Variants in ZNF718 observed in about 807,000 individuals in gnomAD.
ZNF718 encodes the protein zinc finger protein 718.
Under a neutral mutation model 2.6 loss-of-function variants are expected in ZNF718, and 3 were observed. The ratio of observed to expected loss-of-function variants is 1.16; its 90% CI spans 0.53 to 3.01. The LOEUF (loss-of-function observed/expected upper bound fraction) is 3.01, where lower values mean the gene tolerates loss of function less well. Ranked by LOEUF, ZNF718 falls within the 30% of genes most tolerant of loss-of-function variation. ZNF718 has a pLI of 0.03. For synonymous variants in ZNF718, 135 were observed against 77.9 expected, an observed-to-expected ratio of 1.73 and a Z score of -3.86; for missense variants, 468 against 230.0, an observed-to-expected ratio of 2.03 and a Z score of -6.69.
In ZNF718 at chr4:154,543, C is replaced by A. The variant is rs568682187; in HGVS notation, c.227-6369C>A. On this transcript the variant is annotated intron_variant, in intron 3 of 3. Coordinates refer to ENST00000510175, the MANE Select transcript of ZNF718 (RefSeq NM_001039127.6). Reference sequence around the variant, plus strand: ...GAAATGCAGTAAAGGTGTCTCTTGCCATGTTTTAGCAGAAAGACTGGTGGC... The same window carrying A: ...GAAATGCAGTAAAGGTGTCTCTTGCAATGTTTTAGCAGAAAGACTGGTGGC... Among the ~76,000 whole-genome samples the A allele has an allele frequency of 7.9e-4, 120 of 152,244 alleles. 1 individual carries two copies. The highest frequency in any genetic ancestry group is 2.8e-3 in the African/African-American group (117 of 41,538).
chr4:138,046 A>G (rs1307377467), intron 3 of ZNF718, among the ~76,000 whole-genome samples: 3 of 152,246 alleles, frequency 2.0e-5, no homozygotes, highest in South Asian at 2.1e-4. Context: ...TATGGGTTAC[A>G]TGAGATATTT....
chr4:163,525 C>A lies in ZNF718; in HGVS notation c.*1403C>A, dbSNP rs1434329554. The stretch of plus-strand genomic sequence containing the variant: ...ACATTGAAAGATGCATGAGATGATG[C>A]ATACATCTTTGTGGTTGACTTATCA... On this transcript the variant is annotated 3_prime_UTR_variant, in exon 4 of 4. Transcript: ENST00000510175. 6.6e-6 allele frequency: 1 copy of A among 152,146 alleles called. No individual in the cohort carries two copies. The highest frequency in any genetic ancestry group is 1.5e-5 in the Non-Finnish European group (1 of 68,034). The allele number at this position is 152,146 out of a possible 1,614,324, so 9.4% of individuals were successfully genotyped here.
At chr4:154,560 A>T (rs537161862) in intron 3 of ZNF718, among the ~76,000 whole-genome samples, 29 of 152,294 alleles carry the variant, frequency 1.9e-4, no homozygotes, top group Admixed American at 1.8e-3. Context: ...TAGCAGAAAG[A>T]CTGGTGGCAT....
At chr4:146,097 ATATG>A (rs1167412665) in intron 3 of ZNF718, among the ~76,000 whole-genome samples, 2 of 150,096 alleles carry the variant, frequency 1.3e-5, no homozygotes, top group African/African-American at 2.5e-5. Context: ...ATATATATAT[ATATG>A]TTTTCCAGTA....
At chr4:124,831 C>G (rs1715122114) in intron 1 of ZNF718, 158 bp downstream of exon 1, 2 of 972,576 alleles carry the variant, frequency 2.1e-6, no homozygotes, top group Non-Finnish European at 3.0e-6. Context: ...AGTCCCCGTA[C>G]AGCGGCTCTG....
intron 3 of ZNF718, among the ~76,000 whole-genome samples, chr4:182,560 A>C (rs891660240): frequency 2.6e-5 from 4 of 152,004 alleles, no homozygotes; most frequent in Middle Eastern, 3.4e-3. Flanking sequence ...TAGCCTTCTG[A>C]GTAGCTGGGA....
At chr4:197,256 T>C (rs1717809897) in intron 3 of ZNF718, among the ~76,000 whole-genome samples, 1 of 152,040 alleles carries the variant, frequency 6.6e-6, no homozygotes, top group Admixed American at 6.5e-5. Context: ...AACATTCCTA[T>C]ATTCCATTGC....
downstream of ZNF718, among the ~76,000 whole-genome samples, chr4:164,527 A>G (rs1490065066): frequency 6.6e-6 from 1 of 152,136 alleles, no homozygotes; most frequent in Non-Finnish European, 1.5e-5. Context: ...TGCTAGTGAT[A>G]TAATTCACTT....
intron 4 of ZNF718, chr4:201,409 G>A (rs967848650): frequency 2.0e-5 from 3 of 152,304 alleles, no homozygotes; most frequent in Non-Finnish European, 4.4e-5. Flanking sequence ...GAAATGAGTA[G>A]CTTAGTATAC....
At chr4:168,923 T>G (rs1324535892), downstream of ZNF718, among the ~76,000 whole-genome samples, 2 of 152,216 alleles carry the variant, frequency 1.3e-5, no homozygotes, top group African/African-American at 4.8e-5. Flanking sequence ...CTTGGTTCTC[T>G]AGTTCTTTTA....
chr4:193,394 T>C (rs1717730779), intron 3 of ZNF718, among the ~76,000 whole-genome samples: 1 of 152,164 alleles, frequency 6.6e-6, no homozygotes, highest in Non-Finnish European at 1.5e-5. Context: ...CTCTCCATAT[T>C]GCTGTGTGGG....
intron 3 of ZNF718, among the ~76,000 whole-genome samples, chr4:135,239 TAAAAAAAAA>T: frequency 7.4e-6 from 1 of 135,630 alleles, no homozygotes; most frequent in South Asian, 2.4e-4. Flanking sequence ...ACTCTTGTCT[TAAAAAAAAA>T]AAAAAAAAAG....
intron 3 of ZNF718, among the ~76,000 whole-genome samples, chr4:179,752 G>A (rs997146449): frequency 6.6e-6 from 1 of 152,148 alleles, no homozygotes; most frequent in Non-Finnish European, 1.5e-5. Context: ...ACAAATGTCC[G>A]TCTTTGGCCC....
chr4:143,395 C>T (rs1715899377), intron 3 of ZNF718, among the ~76,000 whole-genome samples: 2 of 152,168 alleles, frequency 1.3e-5, no homozygotes, highest in Non-Finnish European at 2.9e-5. Context: ...ACCATTTTGT[C>T]CAGGCTGATC....
intron 3 of ZNF718, chr4:150,447 G>A (rs1461624034): frequency 6.6e-6 from 1 of 151,966 alleles, no homozygotes; most frequent in South Asian, 2.1e-4. Flanking sequence ...GCCAAGACCA[G>A]TGCATGAAGC....
chr4:134,257 C>G (rs1581423910), intron 3 of ZNF718, among the ~76,000 whole-genome samples: 1 of 152,166 alleles, frequency 6.6e-6, no homozygotes, highest in Admixed American at 6.6e-5. Flanking sequence ...CACCATTCTC[C>G]TGCCTCAGCC....
chr4:160,296 G>A (rs1716765778), intron 3 of ZNF718, among the ~76,000 whole-genome samples: 1 of 152,184 alleles, frequency 6.6e-6, no homozygotes. Context: ...AAGAGCTGCA[G>A]TGGGTAAATG....
chr4:196,403 G>A (rs1448814646), intron 3 of ZNF718, among the ~76,000 whole-genome samples: 2 of 152,224 alleles, frequency 1.3e-5, no homozygotes, highest in African/African-American at 4.8e-5. Flanking sequence ...AAGACGCAGT[G>A]TAGAGCTTCC....
chr4:135,251 A>AG (rs1247563309), intron 3 of ZNF718, among the ~76,000 whole-genome samples: 1 of 151,632 alleles, frequency 6.6e-6, no homozygotes. Flanking sequence ...AAAAAAAAAA[A>AG]AAAAAAGTTT....
Sources: gnomAD v4.1 joint callset for allele counts (sites outside exome capture counted in the v4.1 genomes callset) on GRCh38, gnomAD v4.1.1 for gene constraint, MANE v1.5 for transcripts, NCBI Gene and HGNC (gene_info 2026-07-23, HGNC 2026-07-21) for gene names.